The following HAPLN4 variants were observed in gnomAD, a reference collection of about 807,000 sequenced individuals.
HAPLN4 encodes brain link protein 2.
In HAPLN4, 19 loss-of-function variants were observed where a neutral mutation model predicts 28.0. That is an observed-to-expected ratio of 0.68 (90% CI 0.47 to 1.00). The LOEUF is 1.00. Ranked by LOEUF, HAPLN4 falls within the 50% of genes least tolerant of loss-of-function variation. HAPLN4 has a pLI of 0.00. For missense variants in HAPLN4, 587 were observed against 602.6 expected, an observed-to-expected ratio of 0.97 and a Z score of 0.27; for synonymous variants, 274 against 273.0, an observed-to-expected ratio of 1.00 and a Z score of -0.03.
rs997252768 is a variant in HAPLN4, at chr19:19,258,772, C to T, written c.568G>A (p.Gly190Ser). 2 of 1,603,544 alleles carry T rather than the reference C, an allele frequency of 1.2e-6. No individual in the cohort carries two copies. Among genetic ancestry groups the T allele is most frequent in the South Asian group, 1.1e-5 (1 of 90,124 alleles). The change falls in exon 4 of 5, where the codon GGC becomes AGC. Residue 190 changes from glycine (G) to serine (S), a missense_variant. Transcript: ENST00000291481. The surrounding 1 kb of genome is among the most constrained non-coding windows in gnomAD (Gnocchi z 6.2). The part of the protein sequence containing the change: ...EAQRACAEQD[G>S]ILASAEQLHA... ...AGCTGTTCTGCAGATGCCAGGATGC[C>T]GTCCTGCTCGGCGCACGCGCGCTGC...
chr19:19,258,286 C>T lies in HAPLN4; in HGVS notation c.818-78G>A, dbSNP rs951797973. ...TTCGGTGGGATTCAGGACTGCCCCC[C>T]GCATGCAGCCTAGGACTCTGGCCTC... On this transcript the variant is annotated intron_variant, in intron 4 of 4. Transcript: ENST00000291481. This position sits in a 1 kb window ranked among gnomAD's most constrained non-coding sequence, Gnocchi z 6.2. The T allele has an allele frequency of 7.3e-6, 10 of 1,362,168 alleles. No individual in the cohort carries two copies. Among genetic ancestry groups the T allele is most frequent in the Non-Finnish European group, 9.7e-6 (10 of 1,028,118 alleles). The allele number at this position is 1,362,168 out of a possible 1,614,324, so 84.4% of individuals were successfully genotyped here.
chr19:19,257,735 T>G lies in HAPLN4; in HGVS notation c.*82A>C. 9 of 1,354,806 alleles carry G rather than the reference T, an allele frequency of 6.6e-6. No homozygotes were observed. Among genetic ancestry groups the G allele is most frequent in the Non-Finnish European group, 8.5e-6 (9 of 1,056,742 alleles). 83.9% of individuals were successfully genotyped at this position (1,354,806 alleles called of 1,614,324 possible). The stretch of plus-strand genomic sequence containing the variant: ...AGGGAATGTGGCCAGTGTCCAGGGC[T>G]TCAAGGGCGTGGCCAGGCTCCAGGG... On this transcript the variant is annotated 3_prime_UTR_variant, in exon 5 of 5. Coordinates refer to ENST00000291481, the MANE Select transcript of HAPLN4 (RefSeq NM_023002.3).
At chr19:19,262,152 G>GGA (rs1466538402) in intron 1 of HAPLN4, among the ~76,000 whole-genome samples, 4 of 151,364 alleles carry the variant, frequency 2.6e-5, no homozygotes, top group African/African-American at 9.7e-5. Context: ...AGATGGAGAG[G>GGA]GAGAGACAGA....
Position 19,261,172 on chromosome 19 carries a change from C to A in HAPLN4, c.125G>T (p.Gly42Val), listed in dbSNP as rs2060982086. ...GRKKVVHVLE[G>V]ESGSVVVQTA... ...CTGTACCACTACCGAGCCCGACTCA[C>A]CCTCTGAGGACAACCAAGCAGGGTT... The change falls in exon 3 of 5, where the codon GGT (glycine) becomes GTT (valine). Residue 42 changes from glycine to valine, a missense_variant. Transcript: ENST00000291481. 1.3e-6 allele frequency: 2 copies of A among 1,592,934 alleles called. No individual in the cohort carries two copies. The highest frequency in any genetic ancestry group is 1.7e-6 in the Non-Finnish European group (2 of 1,166,678).
At chr19:19,259,786 T>C (rs764637066) in intron 3 of HAPLN4, among the ~76,000 whole-genome samples, 2 of 152,122 alleles carry the variant, frequency 1.3e-5, no homozygotes, top group Non-Finnish European at 2.9e-5. Context: ...GGCCCTGAAA[T>C]CTCACCTAGA....
chr19:19,258,598 C>A lies in HAPLN4; in HGVS notation c.742G>T (p.Gly248Cys), dbSNP rs772637511. Residue 248 changes from glycine to cysteine, a missense_variant, in exon 4 of 5, where the codon GGC becomes TGC. By Grantham distance (159) the Gly-to-Cys change is radical (BLOSUM62 -3). Transcript: ENST00000291481. This position sits in a 1 kb window ranked among gnomAD's most constrained non-coding sequence, Gnocchi z 6.2. ...SAGGGGDANG[G>C]LRNYGYRHNA... is the part of the protein sequence containing the mutation. ...TGGCGATACCCGTAGTTGCGCAGGC[C>A]CCCGTTGGCATCACCGCCGCCCCCT... The A allele has an allele frequency of 6.2e-7, 1 of 1,613,602 alleles. No individual in the cohort carries two copies. The highest frequency in any genetic ancestry group is 1.1e-5 in the South Asian group (1 of 91,080).
intron 3 of HAPLN4, among the ~76,000 whole-genome samples, chr19:19,260,428 G>A (rs1056398514): frequency 6.6e-6 from 1 of 152,164 alleles, no homozygotes; most frequent in Middle Eastern, 3.4e-3. Flanking sequence ...TGTTGGCCAG[G>A]CTGGTCTTGA....
rs539718735 is a variant in HAPLN4 at position 19,261,510 on chromosome 19, G to C, written c.57C>G (p.Gly19=). The C allele has an allele frequency of 3.4e-5, 55 of 1,610,544 alleles. No individual in the cohort carries two copies. Among genetic ancestry groups the C allele is most frequent in the Admixed American group, 1.7e-4 (10 of 59,856 alleles). The change falls in exon 2 of 5, where the codon GGC becomes GGG. Residue 19 remains glycine (G), a synonymous_variant. Transcript: ENST00000291481. ...CCGCAGGGGCTGTGAGCAGCAGGAC[G>C]CCCCAGGCCGCGGCCCAGAGCGCGC... The part of the protein sequence containing the change: ...GPGALWAAAW[G]VLLLTAPAGA...
At position 19,258,640 on chromosome 19, in the gene HAPLN4, C is replaced by T. The variant is rs1227634645; in HGVS notation, c.700G>A (p.Gly234Arg). 1 of 1,611,714 alleles carries T rather than the reference C, an allele frequency of 6.2e-7. No homozygotes were observed. Among genetic ancestry groups the T allele is most frequent in the Non-Finnish European group, 8.5e-7 (1 of 1,179,048 alleles). The change falls in exon 4 of 5, where the codon GGG becomes AGG. Residue 234 changes from glycine to arginine, a missense_variant. Physicochemically the swap from Gly to Arg is moderately radical, Grantham distance 125 (BLOSUM62 -2). Coordinates refer to ENST00000291481, the MANE Select transcript of HAPLN4 (RefSeq NM_023002.3). The surrounding 1 kb of genome is among the most constrained non-coding windows in gnomAD (Gnocchi z 6.2). ...NRPREPCGGL[G>R]GTGSAGGGGD... is the part of the protein sequence containing the mutation. ...CCGCCCCCTGCACTCCCGGTCCCCCCCAGGCCGCCGCAGGGCTCCCGGGGC... is the reference window on the plus strand; with the variant it reads ...CCGCCCCCTGCACTCCCGGTCCCCCTCAGGCCGCCGCAGGGCTCCCGGGGC...
chr19:19,262,321 G>GAGAGGGAGAGACAGAGAGGC, intron 1 of HAPLN4, among the ~76,000 whole-genome samples: 2 of 150,470 alleles, frequency 1.3e-5, no homozygotes, highest in African/African-American at 4.9e-5. Flanking sequence ...GACACAGATG[G>GAGAGGGAGAGACAGAGAGGC]AGAGGGAGAG....
chr19:19,255,848 A>G lies in HAPLN4; in HGVS notation c.*1969T>C, dbSNP rs965257368. ...CTCAGAGATAGGTTTCCTAGAGATG[A>G]CGTGACAGTAAAGAGGGCCCCAGGG... On this transcript the variant is annotated 3_prime_UTR_variant, in exon 5 of 5. Coordinates refer to ENST00000291481, the MANE Select transcript of HAPLN4 (RefSeq NM_023002.3). The G allele has an allele frequency of 2.0e-5, 3 of 152,178 alleles. No individual in the cohort carries two copies. The highest frequency in any genetic ancestry group is 4.4e-5 in the Non-Finnish European group (3 of 68,036). 9.4% of individuals were successfully genotyped at this position (152,178 alleles called of 1,614,324 possible). A position where few individuals can be genotyped will look rare whatever the true frequency, so the allele number is the denominator to read the frequency against.
In HAPLN4 at chr19:19,254,929, G is replaced by A. The variant is rs1310642808; in HGVS notation, c.*2888C>T. ...GGCATGATCCACTGTGCACGGTCAG[G>A]ACCTTACACTATTTTTTCTCTTCAT... On this transcript the variant is annotated 3_prime_UTR_variant, in exon 5 of 5. Coordinates refer to ENST00000291481, the MANE Select transcript of HAPLN4 (RefSeq NM_023002.3). 1 of 152,154 alleles carries A rather than the reference G, an allele frequency of 6.6e-6. No homozygotes were observed. 9.4% of individuals were successfully genotyped at this position (152,154 alleles called of 1,614,324 possible).
At chr19:19,261,765 T>G in intron 1 of HAPLN4, 3 of 467,312 alleles carry the variant, frequency 6.4e-6, no homozygotes, top group African/African-American at 2.2e-5. Context: ...GCCCCTAGAC[T>G]CCCCCCCGCC....
At chr19:19,262,605 T>G (rs1599834299) in intron 1 of HAPLN4, 125 bp downstream of exon 1, 1 of 1,134,158 alleles carries the variant, frequency 8.8e-7, no homozygotes, top group Non-Finnish European at 1.3e-6. Flanking sequence ...TCAAAGAGGG[T>G]GAGAGACAGA....
At position 19,261,517 on chromosome 19, in the gene HAPLN4, G is replaced by A; in HGVS notation, c.50C>T (p.Ala17Val). Residue 17 changes from alanine to valine, a missense_variant, in exon 2 of 5, where the codon GCC (alanine) becomes GTC (valine). Ala to Val is a moderately conservative substitution (Grantham distance 64). Coordinates refer to ENST00000291481, the MANE Select transcript of HAPLN4 (RefSeq NM_023002.3). ...ALGPGALWAA[A>V]WGVLLLTAPA... ...GGCTGTGAGCAGCAGGACGCCCCAG[G>A]CCGCGGCCCAGAGCGCGCCGGGACC... 2 of 1,610,158 alleles carry A rather than the reference G, an allele frequency of 1.2e-6. No homozygotes were observed. The highest frequency in any genetic ancestry group is 1.7e-4 in the Middle Eastern group (1 of 6,046).
chr19:19,258,801 T>G lies in HAPLN4; in HGVS notation c.539A>C (p.Glu180Ala). Residue 180 changes from glutamate (E) to alanine (A), a missense_variant, in exon 4 of 5, where the codon GAG becomes GCG. Coordinates refer to ENST00000291481, the MANE Select transcript of HAPLN4 (RefSeq NM_023002.3). This position sits in a 1 kb window ranked among gnomAD's most constrained non-coding sequence, Gnocchi z 6.2. Reference sequence around the variant, plus strand: ...CTGCTCGGCGCACGCGCGCTGCGCCTCCGCGAAGGTCAGCTTGTATCGGCC... The same window carrying G: ...CTGCTCGGCGCACGCGCGCTGCGCCGCCGCGAAGGTCAGCTTGTATCGGCC... ...RGGRYKLTFAEAQRACAEQDG... is the reference protein window; with the variant it reads ...RGGRYKLTFAAAQRACAEQDG... 6.3e-7 allele frequency: 1 copy of G among 1,592,886 alleles called. No individual in the cohort carries two copies. The highest frequency in any genetic ancestry group is 8.5e-7 in the Non-Finnish European group (1 of 1,170,374).
In HAPLN4 at chr19:19,258,890, C is replaced by G. The variant is rs958698071; in HGVS notation, c.485-35G>C. ...GGCGCACGGGATCAGCAGGTACACC[C>G]CAGCCCACCCTCATGCACCTGACGT... On this transcript the variant is annotated intron_variant, in intron 3 of 4. Coordinates refer to ENST00000291481, the MANE Select transcript of HAPLN4 (RefSeq NM_023002.3). This position sits in a 1 kb window ranked among gnomAD's most constrained non-coding sequence, Gnocchi z 6.2. 3 of 1,470,868 alleles carry G rather than the reference C, an allele frequency of 2.0e-6. No homozygotes were observed. Among genetic ancestry groups the G allele is most frequent in the African/African-American group, 1.4e-5 (1 of 71,244 alleles). The allele number at this position is 1,470,868 out of a possible 1,614,324, so 91.1% of individuals were successfully genotyped here. A position where few individuals can be genotyped will look rare whatever the true frequency, so the allele number is the denominator to read the frequency against.
chr19:19,257,682 G>A lies in HAPLN4; in HGVS notation c.*135C>T. On this transcript the variant is annotated 3_prime_UTR_variant, in exon 5 of 5. Coordinates refer to ENST00000291481, the MANE Select transcript of HAPLN4 (RefSeq NM_023002.3). Reference sequence around the variant, plus strand: ...GACTAGCCAGTCTTCAGGGACCCCAGGGGCACAGTTAGTTTGTAAGGGACC... The same window carrying A: ...GACTAGCCAGTCTTCAGGGACCCCAAGGGCACAGTTAGTTTGTAAGGGACC... 1 of 1,108,236 alleles carries A rather than the reference G, an allele frequency of 9.0e-7. No individual in the cohort carries two copies. The highest frequency in any genetic ancestry group is 1.2e-6 in the Non-Finnish European group (1 of 856,464). The allele number at this position is 1,108,236 out of a possible 1,614,324, so 68.7% of individuals were successfully genotyped here.
chr19:19,262,140 A>G (rs2060985883), intron 1 of HAPLN4, among the ~76,000 whole-genome samples: 1 of 151,742 alleles, frequency 6.6e-6, no homozygotes, highest in Admixed American at 6.6e-5. Context: ...AGGGAGAGAC[A>G]GAGATGGAGA....
Sources: allele counts gnomAD v4.1 joint callset (sites outside exome capture counted in the v4.1 genomes callset), GRCh38; gene constraint gnomAD v4.1.1; non-coding constraint Gnocchi (gnomAD v3.1); transcripts MANE v1.5; gene names NCBI Gene and HGNC (gene_info 2026-07-23, HGNC 2026-07-21).